Variants in APAF1 observed in about 807,000 individuals in gnomAD.
APAF1 encodes apoptotic peptidase activating factor 1.
In APAF1, 91 loss-of-function variants were observed where a neutral mutation model predicts 152.4. The observed-to-expected ratio is 0.60, with a 90% CI of 0.50 to 0.71. APAF1 has a LOEUF of 0.71. Among genes scored for constraint, APAF1 ranks in the 30% least tolerant of loss-of-function variants. APAF1 has a pLI of 0.00. For missense variants in APAF1, 1,283 were observed against 1,472.0 expected, an observed-to-expected ratio of 0.87 and a Z score of 2.10; for synonymous variants, 484 against 494.1, an observed-to-expected ratio of 0.98 and a Z score of 0.27.
rs570961178 is a variant in APAF1 at position 98,648,986 on chromosome 12, C to G, written c.328+171C>G. On this transcript the variant is annotated intron_variant, in intron 3 of 26. Transcript: ENST00000551964. ...TATTTTTTATTTGCATCCACATTAA[C>G]TCTCAACTTTTCTTCTTGCCCAGTG... 99 of 788,716 alleles carry G rather than the reference C, an allele frequency of 1.3e-4. 1 individual carries two copies. The African/African-American group carries it at 1.6e-3, about 13-fold the overall frequency. The allele number at this position is 788,716 out of a possible 1,614,324, so 48.9% of individuals were successfully genotyped here. A position where few individuals can be genotyped will look rare whatever the true frequency, so the allele number is the denominator to read the frequency against.
chr12:98,676,456 G>C (rs150188379), intron 12 of APAF1, among the ~76,000 whole-genome samples: 1 of 151,880 alleles, frequency 6.6e-6, no homozygotes, highest in Admixed American at 6.6e-5. Flanking sequence ...TGATCTGCCC[G>C]CCTCGTCCTC....
chr12:98,706,703 G>C (rs1447243923), intron 19 of APAF1, 93 bp downstream of exon 19: 7 of 1,441,966 alleles, frequency 4.9e-6, no homozygotes, highest in Non-Finnish European at 2.9e-6. Flanking sequence ...ACTGAGGTAA[G>C]CAGAATAGGA....
intron 17 of APAF1, among the ~76,000 whole-genome samples, chr12:98,701,871 T>G (rs1328977763): frequency 6.6e-6 from 1 of 152,206 alleles, no homozygotes; most frequent in Non-Finnish European, 1.5e-5. Flanking sequence ...CTTTTACTAT[T>G]CCATAATTGG....
chr12:98,659,270 T>TC lies in APAF1; in HGVS notation c.640dup (p.Gln214ProfsTer6). ...ACGGTTGGATCAGGATGAGAGTTTTTCCCAGAGGCTTCCACTTAATATTGA... is the reference window on the plus strand; with the variant it reads ...ACGGTTGGATCAGGATGAGAGTTTTTCCCCAGAGGCTTCCACTTAATATTGA... On this transcript the variant is annotated frameshift_variant, in exon 5 of 27. Transcript: ENST00000551964. LOFTEE classifies it high-confidence loss of function. 1 of 1,614,182 alleles carries TC rather than the reference T, an allele frequency of 6.2e-7. No homozygotes were observed. The highest frequency in any genetic ancestry group is 8.5e-7 in the Non-Finnish European group (1 of 1,180,046).
intron 10 of APAF1, among the ~76,000 whole-genome samples, chr12:98,668,853 T>C (rs1474556181): frequency 6.6e-6 from 1 of 152,148 alleles, no homozygotes; most frequent in Non-Finnish European, 1.5e-5. Context: ...CAGTTAGATA[T>C]ATGAGTCTAG....
At chr12:98,666,442 A>C in intron 9 of APAF1, 85 bp downstream of exon 9, 1 of 1,346,936 alleles carries the variant, frequency 7.4e-7, no homozygotes, top group Non-Finnish European at 1.0e-6. Flanking sequence ...AATAGTAGAT[A>C]GTTTCTGTGC....
At chr12:98,722,209 TC>T (rs1460348473) in intron 22 of APAF1, among the ~76,000 whole-genome samples, 1 of 152,230 alleles carries the variant, frequency 6.6e-6, no homozygotes, top group African/African-American at 2.4e-5. Flanking sequence ...TTAAACCCAT[TC>T]CTCAAGCCTA....
At position 98,665,692 on chromosome 12, in the gene APAF1, T is replaced by G. The variant is rs201932795; in HGVS notation, c.1095T>G (p.Asp365Glu). ...CGTCTTATGATTATGAGGCTCTAGATGAAGCCATGTCTATAAGTGTTGAAA... is the reference window on the plus strand; with the variant it reads ...CGTCTTATGATTATGAGGCTCTAGAGGAAGCCATGTCTATAAGTGTTGAAA... ...KSSSYDYEAL[D>E]EAMSISVEML... The change falls in exon 8 of 27, where the codon GAT becomes GAG. Residue 365 changes from aspartate to glutamate, a missense_variant. Coordinates refer to ENST00000551964, the MANE Select transcript of APAF1 (RefSeq NM_181861.2). The G allele has an allele frequency of 1.4e-5, 23 of 1,614,024 alleles. No individual in the cohort carries two copies. The East Asian group carries it at 4.7e-4, about 33-fold the overall frequency.
At chr12:98,648,908 A>G (rs2097645645) in intron 3 of APAF1, 93 bp downstream of exon 3, 1 of 1,219,030 alleles carries the variant, frequency 8.2e-7, no homozygotes, top group Admixed American at 1.7e-5. Context: ...GAGTGTGACC[A>G]GTTCACTGAA....
intron 10 of APAF1, among the ~76,000 whole-genome samples, chr12:98,669,980 C>T (rs1000845294): frequency 1.3e-5 from 2 of 149,852 alleles, no homozygotes; most frequent in Non-Finnish European, 3.0e-5. Context: ...CACTCTGTTG[C>T]CCAGGCTGGA....
At chr12:98,663,167 G>A (rs1350174293) in intron 7 of APAF1, among the ~76,000 whole-genome samples, 1 of 152,064 alleles carries the variant, frequency 6.6e-6, no homozygotes, top group Non-Finnish European at 1.5e-5. Context: ...GTAAAAACTG[G>A]TGTCTTAATT....
intron 19 of APAF1, 54 bp from the exon 20 acceptor site, chr12:98,708,531 A>C: frequency 6.3e-7 from 1 of 1,582,330 alleles, no homozygotes; most frequent in Non-Finnish European, 8.7e-7. Flanking sequence ...TCGCTTTAAG[A>C]TGAAGACATG....
chr12:98,706,687 G>A (rs2097721740), intron 19 of APAF1, 77 bp downstream of exon 19: 8 of 1,548,534 alleles, frequency 5.2e-6, no homozygotes, highest in Middle Eastern at 1.7e-4. Flanking sequence ...GAAATTGATG[G>A]GTAGCACTGA....
chr12:98,685,340 CTTT>C (rs1215086990), intron 15 of APAF1, among the ~76,000 whole-genome samples: 2 of 143,684 alleles, frequency 1.4e-5, no homozygotes, highest in Non-Finnish European at 3.1e-5. Context: ...ATACCCCTCC[CTTT>C]TTTTTTTTTT....
At chr12:98,679,504 A>T (rs1270430020) in intron 13 of APAF1, among the ~76,000 whole-genome samples, 2 of 152,340 alleles carry the variant, frequency 1.3e-5, no homozygotes, top group Non-Finnish European at 2.9e-5. Context: ...AGAACTTGGG[A>T]TCCCACTGAA....
chr12:98,658,658 G>A (rs2097660808), intron 4 of APAF1, among the ~76,000 whole-genome samples: 1 of 152,144 alleles, frequency 6.6e-6, no homozygotes, highest in Non-Finnish European at 1.5e-5. Context: ...AGTTCTCAAC[G>A]AGGGGTGATT....
At chr12:98,689,015 A>T (rs556051078) in intron 16 of APAF1, among the ~76,000 whole-genome samples, 24 of 151,850 alleles carry the variant, frequency 1.6e-4, no homozygotes, top group Non-Finnish European at 4.4e-5. Flanking sequence ...GGTTTTGCCT[A>T]TGTTTCCCAG....
rs529645049 is a variant in APAF1 at position 98,711,452 on chromosome 12, C to T, written c.2842-867C>T. Among the ~76,000 whole-genome samples, 10 of 152,198 alleles carry T rather than the reference C, an allele frequency of 6.6e-5. No individual in the cohort carries two copies. The South Asian group carries it at 1.7e-3, about 25-fold the overall frequency. On this transcript the variant is annotated intron_variant, in intron 20 of 26. Coordinates refer to ENST00000551964, the MANE Select transcript of APAF1 (RefSeq NM_181861.2). ...TTTTGAGAGAAGATGTTCAGCTCTT[C>T]GTAGTTCAATTTTCATTTTGAATAT...
chr12:98,659,753 A>G (rs1358785518), intron 5 of APAF1, among the ~76,000 whole-genome samples: 2 of 24,328 alleles, frequency 8.2e-5, no homozygotes, highest in Admixed American at 5.3e-4. Context: ...ACTCCATCAG[A>G]AAAAAAAAAA....
Sources: allele counts gnomAD v4.1 joint callset (sites outside exome capture counted in the v4.1 genomes callset), GRCh38; gene constraint gnomAD v4.1.1; transcripts MANE v1.5; gene names NCBI Gene and HGNC (gene_info 2026-07-23, HGNC 2026-07-21).